RNLS: variants seen among roughly 807,000 people sequenced by gnomAD.
RNLS encodes renalase, FAD dependent amine oxidase.
RNLS carries 39 observed loss-of-function variants against 39.8 expected under a neutral mutation model. The observed-to-expected ratio is 0.98, with a 90% CI of 0.76 to 1.28. The LOEUF is 1.28. Ranked by LOEUF, RNLS falls within the 50% of genes most tolerant of loss-of-function variation. The pLI is 0.00. For missense variants in RNLS, 410 were observed against 413.3 expected (o/e 0.99, Z 0.07); for synonymous variants, 147 against 150.7 (o/e 0.98, Z 0.18).
intron 4 of RNLS, among the ~76,000 whole-genome samples, chr10:88,497,407 G>A (rs1845230762): frequency 6.6e-6 from 1 of 151,926 alleles, no homozygotes; most frequent in Admixed American, 6.6e-5. Flanking sequence ...TTGGTTAGTA[G>A]GTTGATCCAA....
intron 4 of RNLS, among the ~76,000 whole-genome samples, chr10:88,455,682 A>G (rs563793767): frequency 2.0e-5 from 3 of 152,134 alleles, no homozygotes; most frequent in Non-Finnish European, 4.4e-5. Context: ...CTGGAATTAC[A>G]GGCGTGAGCC....
At chr10:88,456,252 T>C (rs965668073) in intron 4 of RNLS, among the ~76,000 whole-genome samples, 2 of 152,198 alleles carry the variant, frequency 1.3e-5, no homozygotes, top group Non-Finnish European at 2.9e-5. Flanking sequence ...AAAATTCTTA[T>C]GGGTTTCCTG....
chr10:88,506,315 A>G (rs1348859740), intron 4 of RNLS, among the ~76,000 whole-genome samples: 1 of 152,136 alleles, frequency 6.6e-6, no homozygotes, highest in Non-Finnish European at 1.5e-5. Context: ...ATTAAAACTA[A>G]GAGAATTTTC....
chr10:88,457,043 T>A (rs1397242325), intron 4 of RNLS, among the ~76,000 whole-genome samples: 3 of 152,188 alleles, frequency 2.0e-5, no homozygotes, highest in Non-Finnish European at 4.4e-5. Context: ...CCACATTTTT[T>A]AAAAATCCAC....
chr10:88,509,466 AGAG>A (rs1361482356), intron 4 of RNLS, among the ~76,000 whole-genome samples: 51 of 125,578 alleles, frequency 4.1e-4, no homozygotes, highest in African/African-American at 1.4e-3. Flanking sequence ...AAAGGAGAGA[AGAG>A]GAGAGGAGAG....
the RNLS span, among the ~76,000 whole-genome samples, chr10:88,214,898 G>C: frequency 5.3e-5 from 8 of 152,192 alleles, no homozygotes; most frequent in Admixed American, 5.2e-4. Flanking sequence ...AGCAAAAATT[G>C]GTGTACAAAA....
intron 4 of RNLS, among the ~76,000 whole-genome samples, chr10:88,451,222 C>A (rs1414910142): frequency 2.0e-5 from 3 of 152,140 alleles, no homozygotes; most frequent in African/African-American, 7.2e-5. Flanking sequence ...ATCTACCTCC[C>A]AAATGGCAAC....
the RNLS span, among the ~76,000 whole-genome samples, chr10:88,201,008 CAACT>C: frequency 7.7e-6 from 1 of 129,800 alleles, no homozygotes; most frequent in Admixed American, 7.6e-5. Context: ...TTTTTTTTAA[CAACT>C]AATAGTTTCT....
chr10:88,394,995 A>G (rs1236137502), intron 4 of RNLS, among the ~76,000 whole-genome samples: 1 of 152,110 alleles, frequency 6.6e-6, no homozygotes, highest in African/African-American at 2.4e-5. Flanking sequence ...TTGAACAATG[A>G]GAACACATGT....
chr10:88,527,945 A>C (rs1847204186), intron 4 of RNLS, among the ~76,000 whole-genome samples: 1 of 151,910 alleles, frequency 6.6e-6, no homozygotes, highest in African/African-American at 2.4e-5. Context: ...AATAAAAAAA[A>C]ATCATAAAAG....
chr10:88,546,932 A>G (rs1713067189), intron 4 of RNLS, among the ~76,000 whole-genome samples: 1 of 151,996 alleles, frequency 6.6e-6, no homozygotes, highest in South Asian at 2.1e-4. Flanking sequence ...GTTAGACAGA[A>G]GACTGTACCA....
the RNLS span, among the ~76,000 whole-genome samples, chr10:88,230,226 A>AAAAC: frequency 1.3e-5 from 2 of 152,216 alleles, no homozygotes; most frequent in Non-Finnish European, 2.9e-5. Context: ...GGGATAGACA[A>AAAAC]AAACAAGCAA....
chr10:88,577,666 C>T (rs549760068), intron 3 of RNLS, among the ~76,000 whole-genome samples: 1 of 152,264 alleles, frequency 6.6e-6, no homozygotes, highest in South Asian at 2.1e-4. Flanking sequence ...AAAAGAAAAT[C>T]ATGTTTCACT....
At chr10:88,304,500 G>A (rs1356820266) in intron 6 of RNLS, among the ~76,000 whole-genome samples, 1 of 152,132 alleles carries the variant, frequency 6.6e-6, no homozygotes, top group Admixed American at 6.6e-5. Context: ...TAACATAACT[G>A]ACCTGAAAGA....
At chr10:88,330,172 T>G (rs1401645013) in intron 5 of RNLS, among the ~76,000 whole-genome samples, 1 of 149,870 alleles carries the variant, frequency 6.7e-6, no homozygotes, top group Non-Finnish European at 1.5e-5. Context: ...TATTTCTTTA[T>G]ATATGTTTAT....
At chr10:88,253,258 G>C in the RNLS span, among the ~76,000 whole-genome samples, 1 of 152,164 alleles carries the variant, frequency 6.6e-6, no homozygotes, top group Non-Finnish European at 1.5e-5. Flanking sequence ...CTCTCACAAT[G>C]CTCACAAAGT....
In RNLS at chr10:88,369,540, G is replaced by A. The variant is rs150041780; in HGVS notation, c.527-6815C>T. Among the ~76,000 whole-genome samples the A allele has an allele frequency of 1.3e-3, 194 of 152,224 alleles. 1 individual carries two copies. The highest frequency in any genetic ancestry group is 2.3e-3 in the Admixed American group (35 of 15,292). Reference sequence around the variant, plus strand: ...TTCCCCTGGTTCCAACTCTCATGGGGCATTGATTGGTAACCTTTTCTTCCC... The same window carrying A: ...TTCCCCTGGTTCCAACTCTCATGGGACATTGATTGGTAACCTTTTCTTCCC... On this transcript the variant is annotated intron_variant, in intron 4 of 6. Transcript: ENST00000331772.
At chr10:88,218,130 G>A in the RNLS span, among the ~76,000 whole-genome samples, 2 of 152,232 alleles carry the variant, frequency 1.3e-5, no homozygotes, top group Non-Finnish European at 2.9e-5. Context: ...GGGCTCCTGG[G>A]GCTAACTGAT....
chr10:88,340,222 G>A (rs560895364), intron 5 of RNLS, among the ~76,000 whole-genome samples: 1 of 152,308 alleles, frequency 6.6e-6, no homozygotes, highest in South Asian at 2.1e-4. Context: ...CAGAATCCCT[G>A]CTGCAGGGTG....
Sources: allele counts gnomAD v4.1 joint callset (sites outside exome capture counted in the v4.1 genomes callset), GRCh38; gene constraint gnomAD v4.1.1; transcripts MANE v1.5; gene names NCBI Gene and HGNC (gene_info 2026-07-23, HGNC 2026-07-21).